The following DPP6 variants were observed in gnomAD, a reference collection of about 807,000 sequenced individuals.
DPP6 encodes the protein A-type potassium channel modulatory protein DPP6.
In DPP6, 69 loss-of-function variants were observed where a neutral mutation model predicts 122.6. That is an observed-to-expected ratio of 0.56 (90% confidence interval 0.46 to 0.69). The LOEUF (loss-of-function observed/expected upper bound fraction) is 0.69, where lower values mean the gene tolerates loss of function less well. DPP6 is among the 30% of genes least tolerant of loss of function. The pLI, the probability that DPP6 is intolerant of heterozygous loss-of-function variation, is 0.00. For missense variants in DPP6, 928 were observed against 1,116.9 expected (o/e 0.83, Z 2.41); for synonymous variants, 418 against 433.1 (o/e 0.97, Z 0.43).
At chr7:154,263,038 C>T (rs751505912) in intron 1 of DPP6, among the ~76,000 whole-genome samples, 19 of 152,232 alleles carry the variant, frequency 1.2e-4, no homozygotes, top group South Asian at 4.1e-4. Context: ...CTCCGTAATA[C>T]TTCAATAAAA....
At chr7:153,860,682 C>T in the DPP6 span, among the ~76,000 whole-genome samples, 1 of 150,498 alleles carries the variant, frequency 6.6e-6, no homozygotes, top group Non-Finnish European at 1.5e-5. Flanking sequence ...CTGTATTAAA[C>T]TTTCCTTCAC....
chr7:154,091,118 CTCA>C (rs1402178933), intron 1 of DPP6, among the ~76,000 whole-genome samples: 12 of 127,150 alleles, frequency 9.4e-5, no homozygotes, highest in Admixed American at 2.3e-4. Context: ...AAGACTCCTT[CTCA>C]AAAAAAAAAA....
intron 1 of DPP6, among the ~76,000 whole-genome samples, chr7:154,411,397 G>A (rs2151205964): frequency 6.6e-6 from 1 of 152,088 alleles, no homozygotes; most frequent in South Asian, 2.1e-4. Flanking sequence ...ACACCACCAT[G>A]CCCAGCTAAT....
chr7:154,341,586 T>C (rs1809938537), intron 1 of DPP6, among the ~76,000 whole-genome samples: 1 of 151,850 alleles, frequency 6.6e-6, no homozygotes, highest in Non-Finnish European at 1.5e-5. Context: ...ATCATTACTT[T>C]GCTTTATTGT....
At chr7:153,790,698 G>GTAAA in the DPP6 span, among the ~76,000 whole-genome samples, 1 of 152,208 alleles carries the variant, frequency 6.6e-6, no homozygotes, top group African/African-American at 2.4e-5. Flanking sequence ...TCAGAAGAAT[G>GTAAA]TAAAGTATGT....
rs555525213 is a variant in DPP6 at position 154,005,061 on chromosome 7, CTT to C, written c.51+117329_51+117330del. On this transcript the variant is annotated intron_variant, in intron 1 of 25. Transcript: ENST00000404039. ...AGACCTGAAAAAAAAAAGCATATGA[CTT>C]TGTTTCATGACCTACAAAAAGTAAT... 1.1e-4 allele frequency among the ~76,000 whole-genome samples: 17 copies of C among 152,088 alleles called. No homozygotes were observed. The South Asian group carries it at 3.3e-3, about 30-fold the overall frequency.
intron 1 of DPP6, among the ~76,000 whole-genome samples, chr7:154,328,021 C>G (rs949492954): frequency 2.6e-5 from 4 of 152,220 alleles, no homozygotes; most frequent in Admixed American, 1.3e-4. Context: ...TGAGACCCCT[C>G]TGGTGGAGGT....
At chr7:154,040,663 G>A (rs1799712705) in intron 1 of DPP6, among the ~76,000 whole-genome samples, 2 of 151,890 alleles carry the variant, frequency 1.3e-5, no homozygotes, top group Admixed American at 1.3e-4. Context: ...AATTTATTTT[G>A]TTAACTAATA....
chr7:154,112,926 T>C (rs1806699119), intron 1 of DPP6, among the ~76,000 whole-genome samples: 1 of 152,204 alleles, frequency 6.6e-6, no homozygotes, highest in South Asian at 2.1e-4. Flanking sequence ...AGCACCTCTC[T>C]ACTCTCTGTA....
intron 1 of DPP6, among the ~76,000 whole-genome samples, chr7:153,964,811 C>T (rs1397128322): frequency 4.0e-3 from 182 of 45,912 alleles, no homozygotes; most frequent in African/African-American, 0.031. Context: ...CCTTTCCTTT[C>T]CTTTCCTTTC....
At chr7:154,428,650 A>G (rs1818105471) in intron 1 of DPP6, among the ~76,000 whole-genome samples, 1 of 152,250 alleles carries the variant, frequency 6.6e-6, no homozygotes, top group Non-Finnish European at 1.5e-5. Flanking sequence ...TATATGCACC[A>G]TGGAATACTA....
At chr7:154,144,755 TC>T (rs1417336153) in intron 1 of DPP6, among the ~76,000 whole-genome samples, 1 of 152,052 alleles carries the variant, frequency 6.6e-6, no homozygotes, top group Non-Finnish European at 1.5e-5. Context: ...GGGGCCCTAA[TC>T]CAACAAAACT....
intron 8 of DPP6, among the ~76,000 whole-genome samples, chr7:154,752,007 A>G (rs916840375): frequency 1.3e-5 from 2 of 152,160 alleles, no homozygotes; most frequent in East Asian, 1.9e-4. Context: ...CTCAGAGTAC[A>G]ATGAGAAGAC....
intron 11 of DPP6, among the ~76,000 whole-genome samples, chr7:154,795,192 C>T (rs1333947996): frequency 1.3e-5 from 2 of 152,162 alleles, no homozygotes; most frequent in East Asian, 1.9e-4. Context: ...CAGTGGCAAA[C>T]ACTGCTTCCT....
intron 1 of DPP6, chr7:154,055,550 T>C (rs1800757371): frequency 6.6e-6 from 1 of 151,692 alleles, no homozygotes; most frequent in Non-Finnish European, 1.5e-5. Flanking sequence ...ATCATTTTGC[T>C]ACCCAAATTT....
chr7:154,893,599 G>A lies in DPP6; in HGVS notation c.*1119G>A, dbSNP rs146380820. 199 of 152,156 alleles carry A rather than the reference G, an allele frequency of 1.3e-3. No homozygotes were observed. The highest frequency in any genetic ancestry group is 3.4e-3 in the Middle Eastern group (1 of 292). The allele number at this position is 152,156 out of a possible 1,614,324, so 9.4% of individuals were successfully genotyped here. A position where few individuals can be genotyped will look rare whatever the true frequency, so the allele number is the denominator to read the frequency against. ...CCTCTCCCATCGTGGGGGTGGCTCC[G>A]TGACCTTCCTGCCACGAGCAGGAGG... On this transcript the variant is annotated 3_prime_UTR_variant, in exon 26 of 26. Transcript: ENST00000377770.
intron 6 of DPP6, among the ~76,000 whole-genome samples, chr7:154,648,126 G>C (rs1270055429): frequency 2.0e-5 from 3 of 151,988 alleles, no homozygotes; most frequent in African/African-American, 7.3e-5. Flanking sequence ...CGGGCATGGT[G>C]GTGGGTGCCT....
intron 1 of DPP6, among the ~76,000 whole-genome samples, chr7:154,015,302 C>G (rs901707751): frequency 6.6e-6 from 1 of 152,142 alleles, no homozygotes; most frequent in African/African-American, 2.4e-5. Context: ...CCCGCGTGAC[C>G]TCTCAGCATT....
chr7:154,141,236 C>T (rs1159104195), intron 1 of DPP6, among the ~76,000 whole-genome samples: 1 of 152,238 alleles, frequency 6.6e-6, no homozygotes, highest in Non-Finnish European at 1.5e-5. Flanking sequence ...TTGAAGAAGT[C>T]AGCTTGTTGC....
Sources: gnomAD v4.1 joint callset for allele counts (sites outside exome capture counted in the v4.1 genomes callset) on GRCh38, gnomAD v4.1.1 for gene constraint, MANE v1.5 for transcripts, NCBI Gene and HGNC (gene_info 2026-07-23, HGNC 2026-07-21) for gene names.